SARDH: variants seen among roughly 807,000 people sequenced by gnomAD.
SARDH encodes the protein sarcosine dehydrogenase, mitochondrial.
In SARDH, 95 loss-of-function variants were observed where a neutral mutation model predicts 109.1. The ratio of observed to expected loss-of-function variants is 0.87; its 90% CI spans 0.74 to 1.03. The LOEUF is 1.03. Ranked by LOEUF, SARDH falls within the 50% of genes least tolerant of loss-of-function variation. The pLI, the probability that SARDH is intolerant of heterozygous loss-of-function variation, is 0.00. For missense variants in SARDH, 1,267 were observed against 1,287.8 expected, an observed-to-expected ratio of 0.98 and a Z score of 0.25; for synonymous variants, 572 against 534.8, an observed-to-expected ratio of 1.07 and a Z score of -0.96.
rs373505049 is a variant in SARDH, at chr9:133,730,059, C to T, written c.814+5G>A. ...CACAGGAGTCAGGAGAAATGCCACTCGCACCTGCACAGTTGACCACGCAGG... is the reference window on the plus strand; with the variant it reads ...CACAGGAGTCAGGAGAAATGCCACTTGCACCTGCACAGTTGACCACGCAGG... On this transcript the variant is annotated splice_donor_5th_base_variant and intron_variant, in intron 5 of 20. Coordinates refer to ENST00000439388, the MANE Select transcript of SARDH (RefSeq NM_001134707.2). 56 of 1,614,056 alleles carry T rather than the reference C, an allele frequency of 3.5e-5. No homozygotes were observed. In the African/African-American group the frequency reaches 5.1e-4, roughly 15 times the overall value.
At chr9:133,720,646 AAGAG>A (rs35425856) in intron 6 of SARDH, among the ~76,000 whole-genome samples, 2,784 of 151,914 alleles carry the variant, frequency 0.018, 88 homozygotes, top group African/African-American at 0.063. Flanking sequence ...GGCAGCAGGA[AAGAG>A]AGAGAGAGCA....
At position 133,723,426 on chromosome 9, in the gene SARDH, G is replaced by A. The variant is rs187020436; in HGVS notation, c.916-4384C>T. Reference sequence around the variant, plus strand: ...TCAAGACAGTGAGGTACTAAGTAAGGATAGACCTACAGATCAATGGATTAG... The same window carrying A: ...TCAAGACAGTGAGGTACTAAGTAAGAATAGACCTACAGATCAATGGATTAG... On this transcript the variant is annotated intron_variant, in intron 6 of 20. Transcript: ENST00000439388. Among the ~76,000 whole-genome samples, 319 of 152,300 alleles carry A rather than the reference G, an allele frequency of 2.1e-3. 1 individual carries two copies. The highest frequency in any genetic ancestry group is 0.01 in the Middle Eastern group (3 of 294).
rs1032742665 is a variant in SARDH at position 133,664,707 on chromosome 9, G to A, written c.2632-693C>T. Among the ~76,000 whole-genome samples the A allele has an allele frequency of 6.6e-5, 10 of 152,164 alleles. No homozygotes were observed. The East Asian group carries it at 1.9e-3, about 29-fold the overall frequency. ...CTCGGGCTCCGCTCTGGGAGTCAGAGGGCTCCTTCTTGTTCCTAGCAGCTC... is the reference window on the plus strand; with the variant it reads ...CTCGGGCTCCGCTCTGGGAGTCAGAAGGCTCCTTCTTGTTCCTAGCAGCTC... On this transcript the variant is annotated intron_variant, in intron 20 of 20. Transcript: ENST00000439388.
rs573139201 is a variant in SARDH, at chr9:133,664,892, C to T, written c.2632-878G>A. On this transcript the variant is annotated intron_variant, in intron 20 of 20. Transcript: ENST00000439388. Reference sequence around the variant, plus strand: ...AGAGCTGGTGGCCTTCAGATGTCCACGGGCATGCACAACTCAAAGCGGGCA... The same window carrying T: ...AGAGCTGGTGGCCTTCAGATGTCCATGGGCATGCACAACTCAAAGCGGGCA... Among the ~76,000 whole-genome samples, 4 of 152,298 alleles carry T rather than the reference C, an allele frequency of 2.6e-5. No homozygotes were observed. The South Asian group carries it at 6.2e-4, about 24-fold the overall frequency.
intron 13 of SARDH, among the ~76,000 whole-genome samples, chr9:133,700,832 T>C (rs1053815763): frequency 6.6e-6 from 1 of 152,234 alleles, no homozygotes; most frequent in Non-Finnish European, 1.5e-5. Flanking sequence ...TATTCTTCAC[T>C]GTATGTTCTA....
intron 17 of SARDH, among the ~76,000 whole-genome samples, chr9:133,677,362 T>A (rs1830551947): frequency 6.6e-6 from 1 of 152,084 alleles, no homozygotes; most frequent in Non-Finnish European, 1.5e-5. Context: ...GTTGAAAGAA[T>A]CCGTAGGGGA....
chr9:133,730,221 C>T lies in SARDH; in HGVS notation c.691-34G>A, dbSNP rs188940187. ...GAGAGGAACTGCTTCTAAAATCCCA[C>T]GGGACTCCCCGGGGGTGCTTCCCAC... On this transcript the variant is annotated intron_variant, in intron 4 of 20. Transcript: ENST00000439388. The T allele has an allele frequency of 1.3e-5, 21 of 1,610,212 alleles. No individual in the cohort carries two copies. In the African/African-American group the frequency reaches 1.3e-4, roughly 10 times the overall value.
intron 6 of SARDH, among the ~76,000 whole-genome samples, chr9:133,726,405 A>G (rs2131491087): frequency 6.6e-6 from 1 of 150,510 alleles, no homozygotes; most frequent in East Asian, 1.9e-4. Flanking sequence ...TAGTAGTAGT[A>G]GTAGTAGTAG....
intron 1 of SARDH, among the ~76,000 whole-genome samples, chr9:133,734,613 C>T (rs953842379): frequency 6.6e-6 from 1 of 151,994 alleles, no homozygotes; most frequent in Non-Finnish European, 1.5e-5. Context: ...AAGTGGGGGT[C>T]GGGGCCACAA....
chr9:133,735,158 C>A (rs1180520560), intron 1 of SARDH, among the ~76,000 whole-genome samples: 2 of 152,190 alleles, frequency 1.3e-5, no homozygotes, highest in Admixed American at 1.3e-4. Flanking sequence ...AGCACCTCCT[C>A]CTGGGCAGGC....
chr9:133,731,593 A>G (rs1333693438), intron 3 of SARDH, 109 bp from the exon 4 acceptor site: 2 of 1,159,142 alleles, frequency 1.7e-6, no homozygotes, highest in Non-Finnish European at 2.5e-6. Context: ...TTTCTCCCAG[A>G]AGCCTTAGCC....
intron 19 of SARDH, 55 bp downstream of exon 19, chr9:133,670,529 T>C: frequency 1.3e-6 from 2 of 1,531,750 alleles, no homozygotes; most frequent in Non-Finnish European, 1.8e-6. Flanking sequence ...AGCGCCTGCC[T>C]GCCCTGGCTG....
intron 17 of SARDH, among the ~76,000 whole-genome samples, chr9:133,679,035 C>T (rs1225021088): frequency 2.6e-5 from 4 of 152,218 alleles, no homozygotes; most frequent in African/African-American, 7.2e-5. Context: ...TTGCCCCAGA[C>T]AGAAGCAGCA....
intron 19 of SARDH, among the ~76,000 whole-genome samples, 193 bp downstream of exon 19, chr9:133,670,391 C>G (rs1035014940): frequency 5.3e-5 from 8 of 151,992 alleles, no homozygotes; most frequent in Non-Finnish European, 8.8e-5. Context: ...AACATGTGAC[C>G]TGGCCAGATG....
Position 133,703,921 on chromosome 9 carries a change from G to A in SARDH, c.1555-892C>T, listed in dbSNP as rs45594633. 8.9e-3 allele frequency among the ~76,000 whole-genome samples: 1,356 copies of A among 152,240 alleles called. 7 individuals carry two copies. Among genetic ancestry groups the A allele is most frequent in the Non-Finnish European group, 0.015 (1,011 of 67,986 alleles). The stretch of plus-strand genomic sequence containing the variant: ...GTCCTGGACACCCAGGCTGGCTCCC[G>A]GGTGGGGGTGCAAAATCCGCCCATC... On this transcript the variant is annotated intron_variant, in intron 12 of 20. Transcript: ENST00000439388.
intron 17 of SARDH, among the ~76,000 whole-genome samples, chr9:133,681,862 G>T (rs1182800920): frequency 6.6e-6 from 1 of 152,074 alleles, no homozygotes; most frequent in South Asian, 2.1e-4. Context: ...GTGTCCCCAC[G>T]ATCGCGCACG....
At chr9:133,690,893 G>A (rs1831067034) in intron 15 of SARDH, among the ~76,000 whole-genome samples, 1 of 152,016 alleles carries the variant, frequency 6.6e-6, no homozygotes. Context: ...TCACCTCTCT[G>A]AGCCCCCATT....
chr9:133,729,414 T>G (rs1295439226), intron 6 of SARDH, among the ~76,000 whole-genome samples: 1 of 152,006 alleles, frequency 6.6e-6, no homozygotes, highest in Non-Finnish European at 1.5e-5. Context: ...ACTGAGAGCA[T>G]GCAAACATTC....
intron 11 of SARDH, among the ~76,000 whole-genome samples, chr9:133,708,032 C>T (rs1158214645): frequency 6.6e-6 from 1 of 152,160 alleles, no homozygotes; most frequent in Non-Finnish European, 1.5e-5. Context: ...CCTGGGTGTG[C>T]GTTCCTGCTC....
Sources: allele counts gnomAD v4.1 joint callset (sites outside exome capture counted in the v4.1 genomes callset), GRCh38; gene constraint gnomAD v4.1.1; transcripts MANE v1.5; gene names NCBI Gene and HGNC (gene_info 2026-07-23, HGNC 2026-07-21).